TBCD: variants seen among roughly 807,000 people sequenced by gnomAD.
The protein encoded by TBCD is tubulin-specific chaperone D.
Under a neutral mutation model 169.3 loss-of-function variants are expected in TBCD, and 105 were observed. The ratio of observed to expected loss-of-function variants is 0.62; its 90% CI spans 0.53 to 0.73. TBCD has a LOEUF of 0.73. TBCD is among the 30% of genes least tolerant of loss of function. TBCD has a pLI of 0.00. For missense variants in TBCD, 1,444 were observed against 1,600.1 expected (o/e 0.90, Z 1.66); for synonymous variants, 700 against 643.9 (o/e 1.09, Z -1.32).
intron 28 of TBCD, chr17:82,926,969 C>T: frequency 1.6e-6 from 1 of 644,414 alleles, no homozygotes; most frequent in Non-Finnish European, 2.6e-6. Flanking sequence ...GCGTCCCCAT[C>T]CACCTTTCAA....
At chr17:82,929,556 T>C in intron 32 of TBCD, 56 bp downstream of exon 32, 1 of 1,593,526 alleles carries the variant, frequency 6.3e-7, no homozygotes, top group Non-Finnish European at 8.5e-7. Flanking sequence ...TGCCTGGTGC[T>C]TCCCTGTCTC....
rs866495692 is a variant in TBCD, at chr17:82,856,018, T to G, written c.1319-14206T>G. ...CTTTTTTTTTTTTTTTTTTTTTTTT[T>G]GTAGAGACAGGGTCTCACCATCTAG... On this transcript the variant is annotated intron_variant, in intron 13 of 38. Coordinates refer to ENST00000355528, the MANE Select transcript of TBCD (RefSeq NM_005993.5). Among the ~76,000 whole-genome samples the G allele has an allele frequency of 3.7e-4, 53 of 144,210 alleles. No individual in the cohort carries two copies. In the South Asian group the frequency reaches 0.012, roughly 33 times the overall value. 94.6% of individuals were successfully genotyped at this position (144,210 alleles called of 152,430 possible). A position where few individuals can be genotyped will look rare whatever the true frequency, so the allele number is the denominator to read the frequency against.
chr17:82,814,999 G>T, intron 13 of TBCD, 65 bp downstream of exon 13: 1 of 1,596,580 alleles, frequency 6.3e-7, no homozygotes, highest in Non-Finnish European at 8.5e-7. Context: ...GGAGAGGCCT[G>T]TTGCTGCCAT....
chr17:82,831,727 G>A lies in TBCD; in HGVS notation c.1318+16793G>A, dbSNP rs372681666. On this transcript the variant is annotated intron_variant, in intron 13 of 38. Coordinates refer to ENST00000355528, the MANE Select transcript of TBCD (RefSeq NM_005993.5). The surrounding 1 kb of genome is among the most constrained non-coding windows in gnomAD (Gnocchi z 4.6). ...CCCGTGCTCTGTGTAAAAGTGAGGC[G>A]GGTACTCTGGGATTGTGGGGTGCAT... The A allele has an allele frequency of 7.1e-5, 115 of 1,614,126 alleles. 1 individual carries two copies. The South Asian group carries it at 8.2e-4, about 12-fold the overall frequency.
intron 13 of TBCD, among the ~76,000 whole-genome samples, chr17:82,849,852 G>T (rs1289234890): frequency 6.6e-6 from 1 of 152,280 alleles, no homozygotes; most frequent in East Asian, 1.9e-4. Flanking sequence ...CGAAGCAGTA[G>T]CCCCCGTGCG....
At position 82,907,611 on chromosome 17, in the gene TBCD, C is replaced by G. The variant is rs189598698; in HGVS notation, c.1923-150C>G. On this transcript the variant is annotated intron_variant, in intron 20 of 38. Transcript: ENST00000355528. ...AGAGGTCTCTGGGACCCACTGGGACCTGAACAAGAATGAGACCTTGCTGAG... is the reference window on the plus strand; with the variant it reads ...AGAGGTCTCTGGGACCCACTGGGACGTGAACAAGAATGAGACCTTGCTGAG... 9.8e-4 allele frequency: 764 copies of G among 781,684 alleles called. 5 individuals carry two copies. In the African/African-American group the frequency reaches 0.012, roughly 13 times the overall value. 48.4% of individuals were successfully genotyped at this position (781,684 alleles called of 1,614,324 possible).
chr17:82,779,772 G>C (rs939537888), intron 6 of TBCD, among the ~76,000 whole-genome samples: 3 of 152,028 alleles, frequency 2.0e-5, no homozygotes, highest in African/African-American at 7.2e-5. Context: ...GAGATGACGT[G>C]GGGGCCGGAG....
intron 13 of TBCD, among the ~76,000 whole-genome samples, chr17:82,824,475 G>A (rs1048487366): frequency 1.3e-5 from 2 of 151,376 alleles, no homozygotes; most frequent in African/African-American, 4.9e-5. Context: ...GAGCCACCGC[G>A]CCCGACCCAT....
At chr17:82,852,769 G>A (rs1256784125) in intron 13 of TBCD, among the ~76,000 whole-genome samples, 1 of 152,224 alleles carries the variant, frequency 6.6e-6, no homozygotes, top group Admixed American at 6.5e-5. Context: ...TTATCCATCT[G>A]TCAGTTGGTA....
chr17:82,825,824 G>T (rs2052793153), intron 13 of TBCD, among the ~76,000 whole-genome samples: 1 of 152,230 alleles, frequency 6.6e-6, no homozygotes, highest in Non-Finnish European at 1.5e-5. Flanking sequence ...ACAGGGCTGG[G>T]CGCCATGTCT....
intron 5 of TBCD, among the ~76,000 whole-genome samples, chr17:82,771,047 CAA>C (rs36015818): frequency 0.023 from 888 of 38,524 alleles, 6 homozygotes; most frequent in African/African-American, 0.058. Context: ...GACTCCGTCT[CAA>C]AAAAAAAAAA....
chr17:82,832,201 G>C lies in TBCD; in HGVS notation c.1318+17267G>C. The C allele has an allele frequency of 6.2e-7, 1 of 1,614,260 alleles. No homozygotes were observed. On this transcript the variant is annotated intron_variant, in intron 13 of 38. Coordinates refer to ENST00000355528, the MANE Select transcript of TBCD (RefSeq NM_005993.5). The surrounding 1 kb of genome is among the most constrained non-coding windows in gnomAD (Gnocchi z 4.9). The stretch of plus-strand genomic sequence containing the variant: ...ATTTGCGACAGACTTGGAAGAGGCT[G>C]GCTTCGCCGTGGCATCGGGCTGGTT...
At chr17:82,799,307 G>A (rs2050323827) in intron 8 of TBCD, among the ~76,000 whole-genome samples, 1 of 151,882 alleles carries the variant, frequency 6.6e-6, no homozygotes, top group African/African-American at 2.4e-5. Context: ...GCTGGGCATG[G>A]TGGCACATGC....
chr17:82,816,254 T>C (rs2051892937), intron 13 of TBCD, among the ~76,000 whole-genome samples: 1 of 152,214 alleles, frequency 6.6e-6, no homozygotes, highest in Non-Finnish European at 1.5e-5. Context: ...TCCTGCTGTG[T>C]AAATGCACCA....
At chr17:82,869,131 G>A (rs2057386450) in intron 13 of TBCD, among the ~76,000 whole-genome samples, 8 of 152,186 alleles carry the variant, frequency 5.3e-5, no homozygotes, top group Admixed American at 5.2e-4. Context: ...GGCTCCGTGG[G>A]TCTCCATTGC....
At chr17:82,752,615 G>A (rs2047164042) in intron 1 of TBCD, among the ~76,000 whole-genome samples, 1 of 152,116 alleles carries the variant, frequency 6.6e-6, no homozygotes, top group Non-Finnish European at 1.5e-5. Flanking sequence ...CGTGGCCCGC[G>A]GAGCGCCTGC....
In TBCD at chr17:82,880,995, C is replaced by A. The variant is rs535793105; in HGVS notation, c.1476-3150C>A. On this transcript the variant is annotated intron_variant, in intron 14 of 38. Coordinates refer to ENST00000355528, the MANE Select transcript of TBCD (RefSeq NM_005993.5). This position sits in a 1 kb window ranked among gnomAD's most constrained non-coding sequence, Gnocchi z 5.0. ...GTGGCTGTGGCCACACAGGGCAGGG[C>A]CTCAGGGCAGGGAGGCCAGTGCTTT... Among the ~76,000 whole-genome samples the A allele has an allele frequency of 1.1e-4, 17 of 152,310 alleles. No homozygotes were observed. Among genetic ancestry groups the A allele is most frequent in the African/African-American group, 4.1e-4 (17 of 41,564 alleles).
At chr17:82,801,481 G>GCGT (rs1248460480) in intron 9 of TBCD, among the ~76,000 whole-genome samples, 1 of 150,588 alleles carries the variant, frequency 6.6e-6, no homozygotes, top group African/African-American at 2.4e-5. Flanking sequence ...GGCGGCGTGT[G>GCGT]TGTCGTGTGG....
chr17:82,938,249 TC>T, intron 36 of TBCD, 113 bp downstream of exon 36: 1 of 1,211,296 alleles, frequency 8.3e-7, no homozygotes, highest in Non-Finnish European at 1.2e-6. Flanking sequence ...CGAGCCCCTC[TC>T]GTTAACGCGC....
Sources: allele counts gnomAD v4.1 joint callset (sites outside exome capture counted in the v4.1 genomes callset), GRCh38; gene constraint gnomAD v4.1.1; non-coding constraint Gnocchi (gnomAD v3.1); transcripts MANE v1.5; gene names NCBI Gene and HGNC (gene_info 2026-07-23, HGNC 2026-07-21).